FBXO34: variants seen among roughly 807,000 people sequenced by gnomAD.
FBXO34 encodes F-box only protein 34.
FBXO34 carries 12 observed loss-of-function variants against 24.5 expected under a neutral mutation model. The ratio of observed to expected loss-of-function variants is 0.49; its 90% CI spans 0.31 to 0.79. The LOEUF (loss-of-function observed/expected upper bound fraction) is 0.79, where lower values mean the gene tolerates loss of function less well. Ranked by LOEUF, FBXO34 falls within the 30% of genes least tolerant of loss-of-function variation. The pLI, the probability that FBXO34 is intolerant of heterozygous loss-of-function variation, is 0.04. For synonymous variants in FBXO34, 320 were observed against 311.9 expected, an observed-to-expected ratio of 1.03 and a Z score of -0.27; for missense variants, 823 against 857.7, an observed-to-expected ratio of 0.96 and a Z score of 0.51.
At chr14:55,413,412 A>C in the FBXO34 span, 146 of 175,370 alleles carry the variant, frequency 8.3e-4, no homozygotes, top group African/African-American at 3.1e-3. Flanking sequence ...CAGAGAACGC[A>C]TATTAATGTA....
At chr14:55,369,377 AC>A (rs1884758988), downstream of FBXO34, 1 of 335,766 alleles carries the variant, frequency 3.0e-6, no homozygotes, top group African/African-American at 2.1e-5. Flanking sequence ...TTCCACCAGC[AC>A]TGGTCTGGGT....
At chr14:55,298,691 C>T in intron 1 of FBXO34, 3 of 1,560,848 alleles carry the variant, frequency 1.9e-6, no homozygotes, top group Non-Finnish European at 1.7e-6. Context: ...GCCTGACCCT[C>T]CAGGAGGCCA....
At chr14:55,375,639 T>G in the FBXO34 span, among the ~76,000 whole-genome samples, 1 of 152,080 alleles carries the variant, frequency 6.6e-6, no homozygotes, top group South Asian at 2.1e-4. Context: ...CCACCATGCC[T>G]GGTTTGAACT....
downstream of FBXO34, chr14:55,369,720 G>C: frequency 6.2e-7 from 1 of 1,612,542 alleles, no homozygotes; most frequent in Non-Finnish European, 8.5e-7. Flanking sequence ...GGGGACGCCT[G>C]GGTGCTCTGA....
At chr14:55,362,051 CTT>C (rs1371516167), downstream of FBXO34, 1 of 152,210 alleles carries the variant, frequency 6.6e-6, no homozygotes, top group East Asian at 1.9e-4. Context: ...CCTGTCTTGG[CTT>C]TTGACATGCC....
chr14:55,317,156 G>C (rs1328075412), intron 1 of FBXO34, among the ~76,000 whole-genome samples: 1 of 152,104 alleles, frequency 6.6e-6, no homozygotes, highest in Non-Finnish European at 1.5e-5. Context: ...TTTTGGGAAG[G>C]GGTAGAGTGG....
At chr14:55,419,167 TG>T in the FBXO34 span, among the ~76,000 whole-genome samples, 1 of 152,366 alleles carries the variant, frequency 6.6e-6, no homozygotes, top group South Asian at 2.1e-4. Context: ...TGGGACAGGG[TG>T]AGCCCAGTGG....
At chr14:55,331,765 A>ATGTG in intron 1 of FBXO34, among the ~76,000 whole-genome samples, 1 of 78,260 alleles carries the variant, frequency 1.3e-5, no homozygotes, top group African/African-American at 6.3e-5. Context: ...ATATATGTAT[A>ATGTG]TATATATATA....
intron 1 of FBXO34, among the ~76,000 whole-genome samples, chr14:55,343,974 T>C (rs1884075658): frequency 6.6e-6 from 1 of 152,226 alleles, no homozygotes; most frequent in African/African-American, 2.4e-5. Context: ...TTTTTTAAGC[T>C]GAACTTAGAG....
the FBXO34 span, among the ~76,000 whole-genome samples, chr14:55,412,156 G>T: frequency 6.6e-6 from 1 of 152,154 alleles, no homozygotes; most frequent in Admixed American, 6.5e-5. Flanking sequence ...GAATGGGAGC[G>T]GAATAAGGGA....
intron 1 of FBXO34, among the ~76,000 whole-genome samples, chr14:55,327,851 T>G (rs1488542184): frequency 1.3e-5 from 2 of 151,104 alleles, no homozygotes; most frequent in Admixed American, 1.3e-4. Context: ...GGACAGAAGA[T>G]TCATCCTTAC....
chr14:55,298,766 C>T lies in FBXO34; in HGVS notation c.-11+27229C>T, dbSNP rs897242217. 104 of 1,576,352 alleles carry T rather than the reference C, an allele frequency of 6.6e-5. 1 individual carries two copies. The highest frequency in any genetic ancestry group is 3.3e-4 in the Middle Eastern group (2 of 6,002). ...AACAGGAGTTCCTGGAGAAGAAAAT[C>T]GAGCAGAGGCACGGCACCAAAAACA... On this transcript the variant is annotated intron_variant, in intron 1 of 1. Transcript: ENST00000313833.
At chr14:55,375,407 G>GGA in the FBXO34 span, among the ~76,000 whole-genome samples, 1 of 151,796 alleles carries the variant, frequency 6.6e-6, no homozygotes, top group African/African-American at 2.4e-5. Flanking sequence ...TCCACAGCCT[G>GGA]GAGCTCCTCA....
At chr14:55,393,067 T>A in the FBXO34 span, among the ~76,000 whole-genome samples, 9 of 152,196 alleles carry the variant, frequency 5.9e-5, no homozygotes, top group African/African-American at 1.9e-4. Flanking sequence ...AAAATTCACT[T>A]CTATCACAAA....
chr14:55,442,047 G>A, the FBXO34 span, among the ~76,000 whole-genome samples: 3 of 151,676 alleles, frequency 2.0e-5, no homozygotes, highest in African/African-American at 7.3e-5. Context: ...ACAGGCACGA[G>A]CCACCGTGTC....
At chr14:55,348,368 A>G (rs1005007985) in intron 1 of FBXO34, among the ~76,000 whole-genome samples, 1 of 152,102 alleles carries the variant, frequency 6.6e-6, no homozygotes, top group Non-Finnish European at 1.5e-5. Context: ...AGCTGAGACT[A>G]CAGGCACGTG....
At chr14:55,338,048 CTTTTTTTT>C (rs58194693) in intron 1 of FBXO34, among the ~76,000 whole-genome samples, 2 of 88,258 alleles carry the variant, frequency 2.3e-5, no homozygotes, top group South Asian at 4.2e-4. Flanking sequence ...GTATGTACTT[CTTTTTTTT>C]TTTTTTTTTT....
chr14:55,426,994 T>G, the FBXO34 span, among the ~76,000 whole-genome samples: 1 of 152,228 alleles, frequency 6.6e-6, no homozygotes, highest in Non-Finnish European at 1.5e-5. Context: ...CTAAGTCTAA[T>G]GTAGACACAA....
At chr14:55,299,340 C>T (rs1594736331) in intron 1 of FBXO34, 5 of 451,710 alleles carry the variant, frequency 1.1e-5, no homozygotes, top group African/African-American at 4.2e-5. Context: ...GCAGTAGGGC[C>T]GCATTGCTGC....
Sources: allele counts gnomAD v4.1 joint callset (sites outside exome capture counted in the v4.1 genomes callset), GRCh38; gene constraint gnomAD v4.1.1; transcripts MANE v1.5; gene names NCBI Gene and HGNC (gene_info 2026-07-23, HGNC 2026-07-21).